Variants in PPM1E observed in about 807,000 individuals in gnomAD.
PPM1E encodes protein phosphatase, Mg2+/Mn2+ dependent 1E, also known as protein phosphatase 1E.
Under a neutral mutation model 65.9 loss-of-function variants are expected in PPM1E, and 20 were observed. That is an observed-to-expected ratio of 0.30 (90% confidence interval 0.21 to 0.44). The LOEUF is 0.44. Ranked by LOEUF, PPM1E falls within the 20% of genes least tolerant of loss-of-function variation. The pLI, the probability that PPM1E is intolerant of heterozygous loss-of-function variation, is 1.00. For missense variants in PPM1E, 713 were observed against 953.1 expected, an observed-to-expected ratio of 0.75 and a Z score of 3.32; for synonymous variants, 352 against 374.9, an observed-to-expected ratio of 0.94 and a Z score of 0.70.
At position 58,965,755 on chromosome 17, in the gene PPM1E, C is replaced by T. The variant is rs562697458; in HGVS notation, c.645C>T (p.Ser215=). 60 of 1,613,994 alleles carry T rather than the reference C, an allele frequency of 3.7e-5. 1 individual carries two copies. In the Middle Eastern group the frequency reaches 6.6e-4, roughly 18 times the overall value. ...GCAAACTACACGAGATTTGCTGCAG[C>T]TGGGTGAAAGACTTCCCCCTCCGCA... ...VFSKLHEICC[S]WVKDFPLRRR... is the part of the protein sequence containing the mutation. Residue 215 remains serine, a synonymous_variant, in exon 3 of 7, where the codon AGC becomes AGT. Transcript: ENST00000308249.
At chr17:58,958,813 T>C (rs1005231141) in intron 2 of PPM1E, among the ~76,000 whole-genome samples, 2 of 151,660 alleles carry the variant, frequency 1.3e-5, no homozygotes, top group African/African-American at 4.8e-5. Context: ...TTGAGCAGAG[T>C]CTCGCTCTTC....
intron 1 of PPM1E, among the ~76,000 whole-genome samples, chr17:58,951,832 C>A (rs1290175501): frequency 6.6e-6 from 1 of 152,100 alleles, no homozygotes; most frequent in Admixed American, 6.5e-5. Flanking sequence ...ATTTTGAATT[C>A]TTTTTCTGGC....
At chr17:58,775,370 G>A (rs146045907) in intron 1 of PPM1E, among the ~76,000 whole-genome samples, 22 of 152,200 alleles carry the variant, frequency 1.4e-4, no homozygotes, top group African/African-American at 4.6e-4. Context: ...GCTAGGATAT[G>A]AGCCAGTATA....
intron 1 of PPM1E, among the ~76,000 whole-genome samples, chr17:58,889,681 T>C (rs2051322674): frequency 6.6e-6 from 1 of 152,230 alleles, no homozygotes. Flanking sequence ...TTATACTTAG[T>C]AGAAATGCTA....
intron 1 of PPM1E, among the ~76,000 whole-genome samples, chr17:58,953,405 A>G (rs1298558403): frequency 6.6e-6 from 1 of 152,116 alleles, no homozygotes; most frequent in East Asian, 1.9e-4. Context: ...GGGAAATGAG[A>G]GAGAAAGGGG....
At chr17:58,812,767 A>G (rs1433904918) in intron 1 of PPM1E, among the ~76,000 whole-genome samples, 2 of 151,886 alleles carry the variant, frequency 1.3e-5, no homozygotes, top group Non-Finnish European at 2.9e-5. Flanking sequence ...GGGTTTTGCC[A>G]TGTTGGCCAG....
rs184476039 is a variant in PPM1E, at chr17:58,831,064, G to T, written c.464+74603G>T. Among the ~76,000 whole-genome samples the T allele has an allele frequency of 8.6e-3, 1,274 of 148,736 alleles. 18 individuals carry two copies. The highest frequency in any genetic ancestry group is 0.029 in the African/African-American group (1,187 of 40,288). On this transcript the variant is annotated intron_variant, in intron 1 of 6. Coordinates refer to ENST00000308249, the MANE Select transcript of PPM1E (RefSeq NM_014906.5). Reference sequence around the variant, plus strand: ...TCACTCTAATCACCCAGGCTGGAGTGCAGTAGCACAATCTCAGCTCACTGC... The same window carrying T: ...TCACTCTAATCACCCAGGCTGGAGTTCAGTAGCACAATCTCAGCTCACTGC...
In PPM1E at chr17:58,929,652, T is replaced by C. The variant is rs888938527; in HGVS notation, c.465-25997T>C. Among the ~76,000 whole-genome samples the C allele has an allele frequency of 3.3e-5, 5 of 152,194 alleles. No individual in the cohort carries two copies. The South Asian group carries it at 8.3e-4, about 25-fold the overall frequency. ...CTGTAAAATCATTTTCATTTTTCTG[T>C]ACATTTGAACATTTGTATAATAGAA... On this transcript the variant is annotated intron_variant, in intron 1 of 6. Transcript: ENST00000308249.
intron 1 of PPM1E, among the ~76,000 whole-genome samples, chr17:58,800,701 G>A (rs62083368): frequency 0.18 from 28,077 of 152,070 alleles, 2,766 homozygotes; most frequent in Non-Finnish European, 0.21. Flanking sequence ...CAAACATATT[G>A]AGATAAAATT....
chr17:58,894,556 A>T (rs903894901), intron 1 of PPM1E, among the ~76,000 whole-genome samples: 4 of 152,132 alleles, frequency 2.6e-5, no homozygotes, highest in Non-Finnish European at 5.9e-5. Flanking sequence ...TCACCACAAT[A>T]ACTTCTTAGT....
At chr17:58,888,387 C>G (rs1347108828) in intron 1 of PPM1E, among the ~76,000 whole-genome samples, 1 of 102,208 alleles carries the variant, frequency 9.8e-6, no homozygotes, top group Admixed American at 1.3e-4. Context: ...TTTTTTGAGA[C>G]AGAGTCTTGT....
chr17:58,874,455 G>A (rs1257603130), intron 1 of PPM1E, among the ~76,000 whole-genome samples: 3 of 152,188 alleles, frequency 2.0e-5, no homozygotes. Flanking sequence ...ATATATTCAT[G>A]TAGCTTTGAG....
intron 2 of PPM1E, among the ~76,000 whole-genome samples, chr17:58,962,804 G>A (rs887502878): frequency 1.3e-5 from 2 of 152,262 alleles, no homozygotes; most frequent in South Asian, 2.1e-4. Context: ...GTAGGGACAG[G>A]CATGGCAGCT....
chr17:58,823,393 A>T (rs1016206476), intron 1 of PPM1E, among the ~76,000 whole-genome samples: 2 of 152,186 alleles, frequency 1.3e-5, no homozygotes, highest in Non-Finnish European at 2.9e-5. Context: ...CAGGATTGTG[A>T]TAACGCTGTT....
intron 1 of PPM1E, among the ~76,000 whole-genome samples, chr17:58,908,508 C>T (rs565460187): frequency 4.1e-4 from 63 of 151,880 alleles, no homozygotes; most frequent in Non-Finnish European, 7.5e-4. Context: ...CGCATGATCT[C>T]GGCTCACTGC....
At chr17:58,927,575 C>T (rs1361106450) in intron 1 of PPM1E, among the ~76,000 whole-genome samples, 1 of 152,080 alleles carries the variant, frequency 6.6e-6, no homozygotes, top group East Asian at 1.9e-4. Flanking sequence ...ATAGATATAT[C>T]AATCAGGGGC....
chr17:58,777,638 G>A (rs2050006639), intron 1 of PPM1E, among the ~76,000 whole-genome samples: 1 of 152,152 alleles, frequency 6.6e-6, no homozygotes, highest in Admixed American at 6.6e-5. Flanking sequence ...GTGGGAACAA[G>A]TACCTATAAG....
At chr17:58,842,049 G>A (rs1383014669) in intron 1 of PPM1E, among the ~76,000 whole-genome samples, 1 of 151,972 alleles carries the variant, frequency 6.6e-6, no homozygotes, top group East Asian at 1.9e-4. Context: ...CCTGTGTTGG[G>A]TAGGCTGGTC....
chr17:58,970,876 C>T (rs957985126), intron 4 of PPM1E, among the ~76,000 whole-genome samples: 6 of 151,926 alleles, frequency 3.9e-5, no homozygotes, highest in South Asian at 2.1e-4. Flanking sequence ...AGAGGTGACC[C>T]GTAATCATCA....
Sources: gnomAD v4.1 joint callset for allele counts (sites outside exome capture counted in the v4.1 genomes callset) on GRCh38, gnomAD v4.1.1 for gene constraint, MANE v1.5 for transcripts, NCBI Gene and HGNC (gene_info 2026-07-23, HGNC 2026-07-21) for gene names.